The following TASOR2 variants were observed in gnomAD, a reference collection of about 807,000 sequenced individuals.
TASOR2 encodes transcription activation suppressor family member 2, also known as protein TASOR 2.
In TASOR2, 84 loss-of-function variants were observed where a neutral mutation model predicts 199.5. The observed-to-expected ratio is 0.42, with a 90% CI of 0.35 to 0.50. The LOEUF is 0.50. TASOR2 is among the 20% of genes least tolerant of loss of function. The pLI, the probability that TASOR2 is intolerant of heterozygous loss-of-function variation, is 0.02. For synonymous variants in TASOR2, 1,103 were observed against 1,046.6 expected (o/e 1.05, Z -1.04); for missense variants, 2,796 against 2,835.9 (o/e 0.99, Z 0.32).
chr10:5,708,639 CCTTCCTT>C (rs1564272312), intron 1 of TASOR2, among the ~76,000 whole-genome samples: 503 of 32,944 alleles, frequency 0.015, 3 homozygotes, highest in Middle Eastern at 0.11. Flanking sequence ...TTCCTCCCTT[CCTTCCTT>C]CCTTCCTTCC....
chr10:5,729,397 A>C (rs1416767993), intron 10 of TASOR2, among the ~76,000 whole-genome samples: 1 of 149,542 alleles, frequency 6.7e-6, no homozygotes, highest in African/African-American at 2.5e-5. Flanking sequence ...ACTTTAAAAC[A>C]ATTTGGTTTA....
chr10:5,746,230 C>T (rs1167700285), exon 15 of TASOR2: 15 of 1,610,592 alleles, frequency 9.3e-6, no homozygotes. Context: ...TAATCTTGTG[C>T]TTTCGGGTAT....
chr10:5,721,706 C>A (rs1244611560), intron 6 of TASOR2, among the ~76,000 whole-genome samples: 1 of 152,148 alleles, frequency 6.6e-6, no homozygotes, highest in African/African-American at 2.4e-5. Flanking sequence ...TTTGACAACA[C>A]CATAATAATC....
rs1394128764 is a variant in TASOR2 at position 5,710,066 on chromosome 10, G to C, written c.-287-2757G>C. ...AATGTTTAAATAAAGCTTGAGCATTGCTCAGCAGTTATGAGACCATTCATT... is the reference window on the plus strand; with the variant it reads ...AATGTTTAAATAAAGCTTGAGCATTCCTCAGCAGTTATGAGACCATTCATT... On this transcript the variant is annotated intron_variant, in intron 1 of 20. Coordinates refer to ENST00000328090, the Ensembl canonical transcript of TASOR2. This position sits in a 1 kb window ranked among gnomAD's most constrained non-coding sequence, Gnocchi z 4.6. Among the ~76,000 whole-genome samples, 1 of 152,116 alleles carries C rather than the reference G, an allele frequency of 6.6e-6. No homozygotes were observed. The highest frequency in any genetic ancestry group is 1.5e-5 in the Non-Finnish European group (1 of 67,980).
At chr10:5,735,499 T>C (rs1178225405) in exon 12 of TASOR2, 3 of 1,613,858 alleles carry the variant, frequency 1.9e-6, no homozygotes, top group African/African-American at 1.3e-5. Flanking sequence ...AGAGTAAATA[T>C]AGTAAAAGGC....
chr10:5,733,227 G>A (rs536572850), intron 11 of TASOR2, among the ~76,000 whole-genome samples: 1 of 152,256 alleles, frequency 6.6e-6, no homozygotes, highest in South Asian at 2.1e-4. Context: ...AGAGTTCTGG[G>A]CTGGGTGTGG....
chr10:5,730,270 C>T lies in TASOR2; in HGVS notation c.488-217C>T, dbSNP rs563209047. On this transcript the variant is annotated intron_variant, in intron 10 of 20. Transcript: ENST00000328090. This position sits in a 1 kb window ranked among gnomAD's most constrained non-coding sequence, Gnocchi z 4.1. ...GATTGCATGTCAGATGATTCTTTTT[C>T]AGTTCAGTGTGTGTGTGTATGTAAT... Among the ~76,000 whole-genome samples the T allele has an allele frequency of 2.0e-5, 3 of 152,194 alleles. No homozygotes were observed. The South Asian group carries it at 6.2e-4, about 32-fold the overall frequency.
At chr10:5,758,240 C>A (rs1403520074) in intron 17 of TASOR2, among the ~76,000 whole-genome samples, 1 of 152,192 alleles carries the variant, frequency 6.6e-6, no homozygotes. Flanking sequence ...AGTGTGACTT[C>A]TACACAGAAC....
intron 1 of TASOR2, among the ~76,000 whole-genome samples, chr10:5,711,149 T>C (rs1375962414): frequency 6.6e-6 from 1 of 152,138 alleles, no homozygotes; most frequent in Non-Finnish European, 1.5e-5. Context: ...CATTCTTTTC[T>C]ATTTACAGTC....
intron 17 of TASOR2, 110 bp downstream of exon 18, chr10:5,757,783 T>TAGGGGGCAACTGATA: frequency 1.7e-6 from 2 of 1,211,244 alleles, no homozygotes; most frequent in Non-Finnish European, 2.4e-6. Flanking sequence ...GGAATATCAG[T>TAGGGGGCAACTGATA]TGCCCCCTAC....
intron 15 of TASOR2, among the ~76,000 whole-genome samples, chr10:5,755,836 G>GA (rs1166013600): frequency 2.6e-4 from 39 of 150,304 alleles, no homozygotes; most frequent in East Asian, 3.9e-4. Context: ...CTACCAAAAA[G>GA]AAAAAAAAAG....
exon 12 of TASOR2, chr10:5,735,396 A>G: frequency 8.7e-6 from 14 of 1,614,208 alleles, no homozygotes; most frequent in Non-Finnish European, 1.2e-5. Context: ...TCCAGTGCCA[A>G]CAAATGCTAA....
In TASOR2 at chr10:5,714,216, G is replaced by A. The variant is rs969931792; in HGVS notation, c.-192+1298G>A. 1.7e-5 allele frequency: 21 copies of A among 1,230,282 alleles called. No homozygotes were observed. In the East Asian group the frequency reaches 2.8e-4, roughly 17 times the overall value. 76.2% of individuals were successfully genotyped at this position (1,230,282 alleles called of 1,614,324 possible). The stretch of plus-strand genomic sequence containing the variant: ...GGGTGATCCAGCCAAAGGTAAGTCC[G>A]TAAAGCAAAAAGAATCTTAAAAAAA... On this transcript the variant is annotated intron_variant, in intron 2 of 20. Coordinates refer to ENST00000328090, the Ensembl canonical transcript of TASOR2.
intron 9 of TASOR2, 33 bp from the exon 11 acceptor site, chr10:5,727,028 A>C: frequency 2.5e-6 from 4 of 1,613,796 alleles, no homozygotes; most frequent in Non-Finnish European, 3.4e-6. Context: ...TCAACAACCT[A>C]ACTTTTCTTC....
In TASOR2 at chr10:5,710,314, C is replaced by T. The variant is rs552052733; in HGVS notation, c.-287-2509C>T. ...TCCAACAACTTTGTTTTTAACATAC[C>T]TCTGCTAACCATAAAATCACTGCTT... On this transcript the variant is annotated intron_variant, in intron 1 of 20. Transcript: ENST00000328090. This position sits in a 1 kb window ranked among gnomAD's most constrained non-coding sequence, Gnocchi z 4.6. Among the ~76,000 whole-genome samples, 1 of 152,140 alleles carries T rather than the reference C, an allele frequency of 6.6e-6. No individual in the cohort carries two copies. The highest frequency in any genetic ancestry group is 2.1e-4 in the South Asian group (1 of 4,824).
intron 3 of TASOR2, among the ~76,000 whole-genome samples, chr10:5,718,167 G>A (rs958918006): frequency 4.6e-5 from 7 of 152,070 alleles, no homozygotes; most frequent in African/African-American, 1.7e-4. Context: ...ACAGCTTCAT[G>A]TGCTACCTAG....
intron 1 of TASOR2, among the ~76,000 whole-genome samples, chr10:5,691,482 T>A (rs1195178554): frequency 6.6e-6 from 1 of 152,186 alleles, no homozygotes; most frequent in African/African-American, 2.4e-5. Flanking sequence ...AAAAAGTTTT[T>A]AAAAAAGGTA....
At chr10:5,743,360 T>G (rs1356174708) in intron 14 of TASOR2, among the ~76,000 whole-genome samples, 1 of 152,220 alleles carries the variant, frequency 6.6e-6, no homozygotes, top group Non-Finnish European at 1.5e-5. Context: ...ATTAAAGATT[T>G]CTGGGTCACT....
Position 5,685,562 on chromosome 10 carries a change from G to A in TASOR2, c.-288+387G>A, listed in dbSNP as rs1379651496. ...GGAAATCATTTCCTGCGGGTTCTGC[G>A]TGAAGCCTGCTGCTACTCGAGACTT... On this transcript the variant is annotated intron_variant, in intron 1 of 20. Coordinates refer to ENST00000328090, the Ensembl canonical transcript of TASOR2. The surrounding 1 kb of genome is among the most constrained non-coding windows in gnomAD (Gnocchi z 5.4). 6.6e-6 allele frequency among the ~76,000 whole-genome samples: 1 copy of A among 152,172 alleles called. No homozygotes were observed. Among genetic ancestry groups the A allele is most frequent in the Non-Finnish European group, 1.5e-5 (1 of 68,042 alleles).
Sources: allele counts gnomAD v4.1 joint callset (sites outside exome capture counted in the v4.1 genomes callset), GRCh38; gene constraint gnomAD v4.1.1; non-coding constraint Gnocchi (gnomAD v3.1); transcripts MANE v1.5; gene names NCBI Gene and HGNC (gene_info 2026-07-23, HGNC 2026-07-21).